The following ZFP90 variants were observed in gnomAD, a reference collection of about 807,000 sequenced individuals.
ZFP90 encodes zinc finger protein 90 homolog.
In ZFP90, 38 loss-of-function variants were observed where a neutral mutation model predicts 60.8. The ratio of observed to expected loss-of-function variants is 0.62; its 90% confidence interval spans 0.48 to 0.82. The LOEUF (loss-of-function observed/expected upper bound fraction) is 0.82. Among genes scored for constraint, ZFP90 ranks in the 40% least tolerant of loss-of-function variants. ZFP90 has a pLI of 0.00. For synonymous variants in ZFP90, 287 were observed against 264.8 expected (o/e 1.08, Z -0.82); for missense variants, 711 against 759.1 (o/e 0.94, Z 0.74).
chr16:68,572,963 G>A (rs1236532997), intron 2 of ZFP90, among the ~76,000 whole-genome samples: 1 of 152,192 alleles, frequency 6.6e-6, no homozygotes, highest in Non-Finnish European at 1.5e-5. Context: ...GGGAAGGAAA[G>A]GATAGGACCA....
At chr16:68,571,116 A>G (rs1158293777), downstream of ZFP90, among the ~76,000 whole-genome samples, 1 of 152,208 alleles carries the variant, frequency 6.6e-6, no homozygotes, top group East Asian at 1.9e-4. Flanking sequence ...GAAAGTATAC[A>G]TGCTGTTGAA....
At chr16:68,543,297 C>A in intron 2 of ZFP90, among the ~76,000 whole-genome samples, 1 of 152,032 alleles carries the variant, frequency 6.6e-6, no homozygotes, top group East Asian at 1.9e-4. Context: ...TAAAAGATTG[C>A]CATGAATGAT....
intron 2 of ZFP90, among the ~76,000 whole-genome samples, chr16:68,543,636 C>T (rs1337857607): frequency 6.6e-6 from 1 of 151,860 alleles, no homozygotes; most frequent in Non-Finnish European, 1.5e-5. Context: ...TCTTGGCTCA[C>T]CGCAACCTCT....
At chr16:68,576,039 T>TAA (rs2091592692) in exon 3 of ZFP90, 1 of 281,862 alleles carries the variant, frequency 3.5e-6, no homozygotes, top group East Asian at 4.4e-5. Context: ...AAACATTTAT[T>TAA]TAAAAAAAAA....
At position 68,564,089 on chromosome 16, in the gene ZFP90, C is replaced by T. The variant is rs1447816067; in HGVS notation, c.1302C>T (p.Ser434=). ...ACTACAGCATAGATTTCAAGCACAG[C>T]ACATCTCTCACTCAAGATGAAAGCA... The part of the protein sequence containing the change: ...SSNYSIDFKH[S]TSLTQDESTL... Residue 434 remains serine (S), a synonymous_variant, in exon 5 of 5, where the codon AGC becomes AGT. Coordinates refer to ENST00000563169, the MANE Select transcript of ZFP90 (RefSeq NM_001305203.2). 5 of 1,614,090 alleles carry T rather than the reference C, an allele frequency of 3.1e-6. No homozygotes were observed. The highest frequency in any genetic ancestry group is 3.4e-6 in the Non-Finnish European group (4 of 1,180,018).
In ZFP90 at chr16:68,564,559, G is replaced by A. The variant is rs543784734; in HGVS notation, c.1772G>A (p.Arg591Gln). ...TGTAATGAATGTGGGAGAGCCTTCC[G>A]AAAAAAAACCAACCTGCATGATCAT... ...YECNECGRAF[R>Q]KKTNLHDHQR... The change falls in exon 5 of 5, where the codon CGA (arginine) becomes CAA (glutamine). Residue 591 changes from arginine (R) to glutamine (Q), a missense_variant. Arg to Gln is a conservative substitution (Grantham distance 43). Coordinates refer to ENST00000563169, the MANE Select transcript of ZFP90 (RefSeq NM_001305203.2). The A allele has an allele frequency of 3.7e-6, 6 of 1,612,814 alleles. No individual in the cohort carries two copies. The highest frequency in any genetic ancestry group is 1.7e-4 in the Middle Eastern group (1 of 6,050).
In ZFP90 at chr16:68,539,765, C is replaced by T. The variant is rs1249616600; in HGVS notation, c.-28C>T. On this transcript the variant is annotated 5_prime_UTR_variant, in exon 2 of 5. Coordinates refer to ENST00000563169, the MANE Select transcript of ZFP90 (RefSeq NM_001305203.2). ...CCTGTCCTTTCTCCCCAGCTCCTGC[C>T]CCGGAGCCGGGCCCTGGCGAGGCAG... The T allele has an allele frequency of 6.4e-7, 1 of 1,572,562 alleles. No individual in the cohort carries two copies. Among genetic ancestry groups the T allele is most frequent in the East Asian group, 2.3e-5 (1 of 43,456 alleles).
chr16:68,571,626 A>G (rs568000922), downstream of ZFP90, among the ~76,000 whole-genome samples: 17 of 152,264 alleles, frequency 1.1e-4, no homozygotes, highest in South Asian at 2.9e-3. Context: ...AAGCTGATCC[A>G]AGCCTAAGAA....
At position 68,564,121 on chromosome 16, in the gene ZFP90, C is replaced by A; in HGVS notation, c.1334C>A (p.Thr445Asn). The A allele has an allele frequency of 6.2e-7, 1 of 1,614,130 alleles. No homozygotes were observed. The highest frequency in any genetic ancestry group is 8.5e-7 in the Non-Finnish European group (1 of 1,180,012). Residue 445 changes from threonine to asparagine, a missense_variant, in exon 5 of 5, where the codon ACC becomes AAC. By Grantham distance (65) the Thr-to-Asn change is moderately conservative. This residue lies in a region of ZFP90 where 295 missense variants were observed against 274.0 expected (regional missense o/e 1.08). Transcript: ENST00000563169. ...CTCACTCAAGATGAAAGCACTCTTA[C>A]CGAAGTGAAATCCTACCATTGTAAT... The part of the protein sequence containing the change: ...TSLTQDESTL[T>N]EVKSYHCNDC...
chr16:68,547,857 C>T (rs1397724434), intron 2 of ZFP90, among the ~76,000 whole-genome samples: 2 of 137,958 alleles, frequency 1.4e-5, no homozygotes, highest in Non-Finnish European at 3.1e-5. Flanking sequence ...TTTTTTGAGA[C>T]AGAGTTTTGC....
At chr16:68,572,580 T>G (rs1413205192) in intron 2 of ZFP90, among the ~76,000 whole-genome samples, 1 of 152,132 alleles carries the variant, frequency 6.6e-6, no homozygotes, top group East Asian at 1.9e-4. Flanking sequence ...AAAAACCATG[T>G]AAGGAGGTTC....
intron 1 of ZFP90, 50 bp from the exon 2 acceptor site, chr16:68,539,708 G>GCGGGT: frequency 7.1e-7 from 1 of 1,406,922 alleles, no homozygotes; most frequent in Non-Finnish European, 9.5e-7. Flanking sequence ...GCGGGGCGGG[G>GCGGGT]TGGGGTCGGT....
At chr16:68,553,728 C>T (rs545477809) in intron 2 of ZFP90, among the ~76,000 whole-genome samples, 6 of 152,134 alleles carry the variant, frequency 3.9e-5, no homozygotes, top group Non-Finnish European at 8.8e-5. Flanking sequence ...AAGCAGTCCT[C>T]CTGCCTCAGC....
chr16:68,573,280 G>C (rs1420020500), intron 2 of ZFP90, among the ~76,000 whole-genome samples: 1 of 152,228 alleles, frequency 6.6e-6, no homozygotes, highest in Non-Finnish European at 1.5e-5. Context: ...CTGCCCTGCT[G>C]TGAATCGACA....
rs760788086 is a variant in ZFP90 at position 68,539,773 on chromosome 16, C to T, written c.-20C>T. 3 of 1,583,460 alleles carry T rather than the reference C, an allele frequency of 1.9e-6. No homozygotes were observed. The highest frequency in any genetic ancestry group is 2.6e-6 in the Non-Finnish European group (3 of 1,165,740). Reference sequence around the variant, plus strand: ...TTCTCCCCAGCTCCTGCCCCGGAGCCGGGCCCTGGCGAGGCAGGAATGGCC... The same window carrying T: ...TTCTCCCCAGCTCCTGCCCCGGAGCTGGGCCCTGGCGAGGCAGGAATGGCC... On this transcript the variant is annotated 5_prime_UTR_variant, in exon 2 of 5. Transcript: ENST00000563169.
At chr16:68,557,626 G>C (rs2152070263) in intron 2 of ZFP90, among the ~76,000 whole-genome samples, 1 of 151,742 alleles carries the variant, frequency 6.6e-6, no homozygotes, top group Middle Eastern at 3.4e-3. Flanking sequence ...AGTAAAGTGG[G>C]ATTGGTTATG....
chr16:68,544,241 G>A (rs2091105216), intron 2 of ZFP90, among the ~76,000 whole-genome samples: 1 of 152,188 alleles, frequency 6.6e-6, no homozygotes, highest in Non-Finnish European at 1.5e-5. Flanking sequence ...CACCAGAGCA[G>A]TAAGAAATGA....
At chr16:68,541,444 G>T (rs945949732) in intron 2 of ZFP90, among the ~76,000 whole-genome samples, 2 of 151,482 alleles carry the variant, frequency 1.3e-5, no homozygotes. Context: ...GGGATTACAG[G>T]TGTGAGCCAC....
At chr16:68,567,215 A>T, downstream of ZFP90, 4 of 951,034 alleles carry the variant, frequency 4.2e-6, no homozygotes, top group Non-Finnish European at 5.0e-6. Flanking sequence ...TTAACTGCTA[A>T]ACTCATCACA....
Sources: allele counts gnomAD v4.1 joint callset (sites outside exome capture counted in the v4.1 genomes callset), GRCh38; gene constraint gnomAD v4.1.1; regional missense constraint gnomAD v4.1.1; transcripts MANE v1.5; gene names NCBI Gene and HGNC (gene_info 2026-07-23, HGNC 2026-07-21).